CA10: variants seen among roughly 807,000 people sequenced by gnomAD.
CA10 encodes the protein carbonic anhydrase-related protein 10.
A neutral mutation model predicts 44.2 loss-of-function variants in CA10; 14 were observed. That is an observed-to-expected ratio of 0.32 (90% CI 0.21 to 0.50). The LOEUF (loss-of-function observed/expected upper bound fraction) is 0.50. Ranked by LOEUF, CA10 falls within the 20% of genes least tolerant of loss-of-function variation. The pLI, the probability that CA10 is intolerant of heterozygous loss-of-function variation, is 0.99. For missense variants in CA10, 350 were observed against 409.7 expected, an observed-to-expected ratio of 0.85 and a Z score of 1.26; for synonymous variants, 159 against 141.6, an observed-to-expected ratio of 1.12 and a Z score of -0.87.
chr17:51,649,099 G>A, intron 6 of CA10, 83 bp downstream of exon 6: 1 of 904,970 alleles, frequency 1.1e-6, no homozygotes, highest in Non-Finnish European at 1.8e-6. Flanking sequence ...GGCCCATGGA[G>A]ATCATCAGTT....
At chr17:51,794,883 ATAGGGTTTATTGTAAAATCTTAGTTAAC>A in intron 3 of CA10, among the ~76,000 whole-genome samples, 1 of 152,312 alleles carries the variant, frequency 6.6e-6, no homozygotes, top group South Asian at 2.1e-4. Flanking sequence ...CTCACTTTAA[ATAGGGTTTATTGTAAAATCTTAGTTAAC>A]TAGAGGGAAT....
chr17:51,706,511 C>G (rs1039731027), intron 4 of CA10, among the ~76,000 whole-genome samples: 1 of 152,252 alleles, frequency 6.6e-6, no homozygotes, highest in Non-Finnish European at 1.5e-5. Context: ...ATCAGCATCT[C>G]TTTCCCAGAG....
chr17:52,030,700 G>A (rs947949415), intron 2 of CA10, among the ~76,000 whole-genome samples: 1 of 152,018 alleles, frequency 6.6e-6, no homozygotes. Flanking sequence ...ATATGAGGAG[G>A]CACCATTCAT....
chr17:51,905,608 T>C (rs1447898146), intron 3 of CA10, among the ~76,000 whole-genome samples: 1 of 148,736 alleles, frequency 6.7e-6, no homozygotes, highest in Admixed American at 6.7e-5. Context: ...TCATTCCTTA[T>C]AGCTGGTTGG....
At position 51,649,256 on chromosome 17, in the gene CA10, TGGA is replaced by T; in HGVS notation, c.562-5_562-3del. On this transcript the variant is annotated splice_polypyrimidine_tract_variant and splice_region_variant and intron_variant, in intron 5 of 8. Transcript: ENST00000451037. Reference sequence around the variant, plus strand: ...AAATGGGTTTGATGAATCAGAAACCTGGAGGAGAAAAGAAAATATTAATGACTG... The same window carrying T: ...AAATGGGTTTGATGAATCAGAAACCTGGAGAAAAGAAAATATTAATGACTG... 1.2e-6 allele frequency: 2 copies of T among 1,607,958 alleles called. No individual in the cohort carries two copies. The highest frequency in any genetic ancestry group is 1.7e-6 in the Non-Finnish European group (2 of 1,174,482).
chr17:51,724,973 A>G (rs933470757), intron 4 of CA10, among the ~76,000 whole-genome samples: 3 of 152,260 alleles, frequency 2.0e-5, no homozygotes, highest in Non-Finnish European at 4.4e-5. Context: ...TGGTAGGAGC[A>G]GTTTTATGGT....
At chr17:52,037,588 C>T (rs1034903894) in intron 2 of CA10, among the ~76,000 whole-genome samples, 2 of 151,860 alleles carry the variant, frequency 1.3e-5, no homozygotes, top group South Asian at 2.1e-4. Flanking sequence ...AACAAAATAC[C>T]CTCCTCCTAA....
chr17:51,853,901 T>C (rs1465854133), intron 3 of CA10, among the ~76,000 whole-genome samples: 1 of 152,204 alleles, frequency 6.6e-6, no homozygotes, highest in East Asian at 1.9e-4. Context: ...TCCCCAGCCA[T>C]GTGGAACTGT....
At chr17:51,985,058 A>T (rs1401630320) in intron 2 of CA10, among the ~76,000 whole-genome samples, 1 of 151,952 alleles carries the variant, frequency 6.6e-6, no homozygotes, top group Non-Finnish European at 1.5e-5. Flanking sequence ...AAAGGACATA[A>T]CCAAAAAAGA....
intron 1 of CA10, among the ~76,000 whole-genome samples, chr17:52,083,169 G>A (rs900974387): frequency 6.6e-6 from 1 of 150,852 alleles, no homozygotes; most frequent in Non-Finnish European, 1.5e-5. Context: ...CAATTGTGGG[G>A]TTAATCTCAT....
intron 2 of CA10, among the ~76,000 whole-genome samples, chr17:52,011,146 T>C (rs1340420156): frequency 2.0e-5 from 3 of 152,020 alleles, no homozygotes; most frequent in African/African-American, 7.2e-5. Flanking sequence ...TTAAGAATAC[T>C]GAAATGTATG....
chr17:51,732,809 T>C (rs981229530), intron 4 of CA10, among the ~76,000 whole-genome samples: 1 of 152,046 alleles, frequency 6.6e-6, no homozygotes, highest in African/African-American at 2.4e-5. Context: ...ACTTGGGAGC[T>C]GAAGTGGGAC....
At chr17:51,983,219 C>T (rs545773807) in intron 2 of CA10, among the ~76,000 whole-genome samples, 2 of 151,916 alleles carry the variant, frequency 1.3e-5, no homozygotes, top group South Asian at 4.1e-4. Context: ...TCCCTGTCAG[C>T]TTTCTTCACA....
At chr17:51,757,328 C>G (rs1905103679) in intron 3 of CA10, among the ~76,000 whole-genome samples, 1 of 152,130 alleles carries the variant, frequency 6.6e-6, no homozygotes, top group South Asian at 2.1e-4. Context: ...GGCTTCAGTG[C>G]AGCATAGCAG....
At chr17:51,847,190 T>C (rs7208653) in intron 3 of CA10, among the ~76,000 whole-genome samples, 23,228 of 152,178 alleles carry the variant, frequency 0.15, 3,951 homozygotes, top group African/African-American at 0.42. Flanking sequence ...TAATCTGTGG[T>C]TCCAAATAAT....
chr17:52,097,200 G>A (rs995434565), intron 1 of CA10, among the ~76,000 whole-genome samples: 2 of 151,944 alleles, frequency 1.3e-5, no homozygotes, highest in African/African-American at 2.4e-5. Context: ...TCTCTAAAGT[G>A]GTTATAACAA....
At chr17:52,025,436 A>G (rs1352341910) in intron 2 of CA10, among the ~76,000 whole-genome samples, 1 of 151,996 alleles carries the variant, frequency 6.6e-6, no homozygotes, top group Non-Finnish European at 1.5e-5. Flanking sequence ...CAAGGACTCC[A>G]AGGAGAAACA....
chr17:52,134,725 C>T (rs1266393232), intron 1 of CA10, among the ~76,000 whole-genome samples: 1 of 152,136 alleles, frequency 6.6e-6, no homozygotes, highest in African/African-American at 2.4e-5. Context: ...TCTGCCTCTT[C>T]CCTTCACAGT....
At chr17:51,826,475 A>G (rs1225594542) in intron 3 of CA10, among the ~76,000 whole-genome samples, 1 of 152,212 alleles carries the variant, frequency 6.6e-6, no homozygotes, top group African/African-American at 2.4e-5. Context: ...ATATGAAAGG[A>G]CTTCATAAGC....
Sources: allele counts gnomAD v4.1 joint callset (sites outside exome capture counted in the v4.1 genomes callset), GRCh38; gene constraint gnomAD v4.1.1; transcripts MANE v1.5; gene names NCBI Gene and HGNC (gene_info 2026-07-23, HGNC 2026-07-21).